The following CTNNA3 variants were observed in gnomAD, a reference collection of about 807,000 sequenced individuals.
CTNNA3 encodes the protein catenin alpha 3.
A neutral mutation model predicts 95.7 loss-of-function variants in CTNNA3; 76 were observed. The observed-to-expected ratio is 0.79, with a 90% confidence interval of 0.66 to 0.96. CTNNA3 has a LOEUF of 0.96. Ranked by LOEUF, CTNNA3 falls within the 40% of genes least tolerant of loss-of-function variation. CTNNA3 has a pLI of 0.00. For synonymous variants in CTNNA3, 431 were observed against 374.4 expected, an observed-to-expected ratio of 1.15 and a Z score of -1.74; for missense variants, 1,191 against 1,089.8, an observed-to-expected ratio of 1.09 and a Z score of -1.31.
chr10:67,455,424 T>G (rs144320766), intron 5 of CTNNA3, among the ~76,000 whole-genome samples: 16 of 152,112 alleles, frequency 1.1e-4, no homozygotes, highest in African/African-American at 3.1e-4. Flanking sequence ...AAGAGGAGCT[T>G]AAATCTCCCC....
At chr10:66,742,499 A>T (rs766804532) in intron 9 of CTNNA3, among the ~76,000 whole-genome samples, 1 of 152,022 alleles carries the variant, frequency 6.6e-6, no homozygotes, top group Non-Finnish European at 1.5e-5. Flanking sequence ...GATCTCTGTG[A>T]CCCATACCCT....
chr10:66,152,371 C>T (rs2084249610), intron 13 of CTNNA3, among the ~76,000 whole-genome samples: 2 of 151,784 alleles, frequency 1.3e-5, no homozygotes, highest in African/African-American at 2.4e-5. Context: ...ACTAATACAA[C>T]TCATTAGCTA....
chr10:67,455,474 A>G (rs1043185857), intron 5 of CTNNA3, among the ~76,000 whole-genome samples: 2 of 152,134 alleles, frequency 1.3e-5, no homozygotes, highest in Non-Finnish European at 2.9e-5. Context: ...ACTTCCAAAC[A>G]GGAGAGTAGG....
At chr10:66,335,494 A>C (rs1039482991) in intron 12 of CTNNA3, among the ~76,000 whole-genome samples, 12 of 152,042 alleles carry the variant, frequency 7.9e-5, no homozygotes, top group Admixed American at 6.5e-4. Flanking sequence ...CTGGAGGTCC[A>C]CTCCAGACCC....
rs182762399 is a variant in CTNNA3 at position 66,497,336 on chromosome 10, T to A, written c.1531+23281A>T. On this transcript the variant is annotated intron_variant, in intron 11 of 17. Transcript: ENST00000433211. ...AAGTAGTTGCAGTTTTTGTCATCAC[T>A]TTGATGACAAAAACTGCAATTAAAT... 5.0e-3 allele frequency among the ~76,000 whole-genome samples: 754 copies of A among 151,672 alleles called. 8 individuals are homozygous for A. The highest frequency in any genetic ancestry group is 0.017 in the African/African-American group (701 of 41,466).
intron 5 of CTNNA3, among the ~76,000 whole-genome samples, chr10:67,418,721 C>T (rs1845632022): frequency 1.3e-5 from 2 of 151,950 alleles, no homozygotes; most frequent in Admixed American, 1.3e-4. Flanking sequence ...TAGAAAATTT[C>T]AATTAGATGG....
intron 16 of CTNNA3, among the ~76,000 whole-genome samples, chr10:65,980,060 A>G (rs1189372605): frequency 6.6e-6 from 1 of 152,060 alleles, no homozygotes; most frequent in African/African-American, 2.4e-5. Flanking sequence ...AAAAATAAAT[A>G]AAATCGATAG....
chr10:66,954,967 G>A (rs975380288), intron 7 of CTNNA3, among the ~76,000 whole-genome samples: 10 of 152,044 alleles, frequency 6.6e-5, no homozygotes, highest in African/African-American at 2.4e-4. Context: ...ATCTCAATTA[G>A]GAAAAGTACC....
intron 16 of CTNNA3, among the ~76,000 whole-genome samples, chr10:65,969,729 G>C (rs1187084413): frequency 6.6e-6 from 1 of 151,986 alleles, no homozygotes; most frequent in Non-Finnish European, 1.5e-5. Context: ...TAAAGAAAAA[G>C]TAATTTTTAT....
intron 7 of CTNNA3, among the ~76,000 whole-genome samples, chr10:66,885,932 A>T (rs60367553): frequency 0.041 from 6,262 of 152,142 alleles, 418 homozygotes; most frequent in African/African-American, 0.14. Flanking sequence ...TGCCCAACCA[A>T]CTTTCTTCAT....
intron 11 of CTNNA3, among the ~76,000 whole-genome samples, chr10:66,404,397 G>T (rs79984919): frequency 3.3e-5 from 5 of 152,138 alleles, no homozygotes; most frequent in Admixed American, 2.0e-4. Context: ...GTTTGATTTT[G>T]TTTGTGCAGC....
chr10:66,617,513 C>T (rs1485868206), intron 10 of CTNNA3, among the ~76,000 whole-genome samples: 2 of 152,134 alleles, frequency 1.3e-5, no homozygotes, highest in African/African-American at 4.8e-5. Context: ...TTCAACAACT[C>T]TTCATGCTAA....
intron 13 of CTNNA3, among the ~76,000 whole-genome samples, chr10:66,183,761 A>G (rs2086175380): frequency 6.6e-6 from 1 of 152,180 alleles, no homozygotes; most frequent in Non-Finnish European, 1.5e-5. Context: ...TAGTAGTAAA[A>G]GGAATCTTTT....
chr10:66,123,002 C>A (rs1207180652), intron 13 of CTNNA3, among the ~76,000 whole-genome samples: 1 of 152,036 alleles, frequency 6.6e-6, no homozygotes, highest in Non-Finnish European at 1.5e-5. Context: ...ATAATTCCAC[C>A]CCAGCCCCTC....
intron 16 of CTNNA3, among the ~76,000 whole-genome samples, chr10:65,982,829 C>T (rs1294349827): frequency 6.6e-6 from 1 of 150,828 alleles, no homozygotes; most frequent in Admixed American, 6.6e-5. Context: ...TTAAAATACG[C>T]ATATTGTCAC....
chr10:66,578,168 A>G (rs992211301), intron 10 of CTNNA3, among the ~76,000 whole-genome samples: 5 of 151,980 alleles, frequency 3.3e-5, no homozygotes. Context: ...TTTTACTCAT[A>G]GATTTTATAC....
chr10:67,642,235 C>G (rs1476748174), intron 2 of CTNNA3, among the ~76,000 whole-genome samples: 1 of 151,990 alleles, frequency 6.6e-6, no homozygotes, highest in Non-Finnish European at 1.5e-5. Flanking sequence ...AAATTATCAT[C>G]AGAGTGAACA....
intron 10 of CTNNA3, among the ~76,000 whole-genome samples, chr10:66,555,598 C>T (rs1240672517): frequency 2.0e-5 from 3 of 152,054 alleles, no homozygotes; most frequent in African/African-American, 4.8e-5. Flanking sequence ...AGCCCAGGCC[C>T]GCTTCACTGT....
chr10:66,093,262 A>T (rs2081277849), intron 14 of CTNNA3, among the ~76,000 whole-genome samples: 1 of 152,094 alleles, frequency 6.6e-6, no homozygotes, highest in Non-Finnish European at 1.5e-5. Flanking sequence ...TAAAGAACTT[A>T]AAGATCAAAC....
Sources: gnomAD v4.1 joint callset for allele counts (sites outside exome capture counted in the v4.1 genomes callset) on GRCh38, gnomAD v4.1.1 for gene constraint, MANE v1.5 for transcripts, NCBI Gene and HGNC (gene_info 2026-07-23, HGNC 2026-07-21) for gene names.